CA5B: variants seen among roughly 807,000 people sequenced by gnomAD.
The protein encoded by CA5B is carbonic anhydrase 5B, mitochondrial.
In CA5B, 15 loss-of-function variants were observed where a neutral mutation model predicts 23.1. That is an observed-to-expected ratio of 0.65 (90% CI 0.43 to 1.00). The LOEUF (loss-of-function observed/expected upper bound fraction) is 1.00, where lower values mean the gene tolerates loss of function less well. Among genes scored for constraint, CA5B ranks in the 50% least tolerant of loss-of-function variants. CA5B has a pLI of 0.00. For synonymous variants in CA5B, 84 were observed against 98.5 expected, an observed-to-expected ratio of 0.85 and a Z score of 0.87; for missense variants, 236 against 252.2, an observed-to-expected ratio of 0.94 and a Z score of 0.43.
chrX:15,765,291 TAAAC>T (rs1349654710), intron 3 of CA5B: 1 of 399,568 alleles, frequency 2.5e-6, no homozygotes. Flanking sequence ...TTTTGTTAAA[TAAAC>T]AGTGTTACCT....
At chrX:15,749,937 T>C in intron 1 of CA5B, 34 bp from the exon 2 acceptor site, 1 of 1,089,510 alleles carries the variant, frequency 9.2e-7, no homozygotes, top group East Asian at 3.0e-5. Context: ...TTCTGTTGTT[T>C]ACAGCTTTCC....
chrX:15,775,955 T>TGGG, intron 6 of CA5B: 1 of 750,687 alleles, frequency 1.3e-6, no homozygotes, highest in Non-Finnish European at 1.6e-6. Flanking sequence ...TTTCCTGTTT[T>TGGG]TCCCTCTCTT....
chrX:15,782,144 A>G (rs1397079011), intron 7 of CA5B, among the ~76,000 whole-genome samples: 1 of 111,747 alleles, frequency 8.9e-6, no homozygotes, highest in East Asian at 2.8e-4. Context: ...TCATTTAAAG[A>G]GGAAGTTCTT....
At position 15,782,522 on chromosome X, in the gene CA5B, G is replaced by A. The variant is rs774579008; in HGVS notation, c.812G>A (p.Gly271Glu). ...QFRTLLFTSE[G>E]EKEKRMVDNF... ...CGGACCCTGCTTTTCACTTCCGAAGGGGAGAAAGAGAAAAGAATGGTGGAC... is the reference window on the plus strand; with the variant it reads ...CGGACCCTGCTTTTCACTTCCGAAGAGGAGAAAGAGAAAAGAATGGTGGAC... Residue 271 changes from glycine (G) to glutamate (E), a missense_variant, in exon 8 of 8, where the codon GGG (glycine) becomes GAG (glutamate). By Grantham distance (98) the Gly-to-Glu change is moderately conservative. Coordinates refer to ENST00000318636, the MANE Select transcript of CA5B (RefSeq NM_007220.4). 4 of 1,210,891 alleles carry A rather than the reference G, an allele frequency of 3.3e-6. No homozygotes were observed. In the South Asian group the frequency reaches 5.3e-5, roughly 16 times the overall value.
At chrX:15,777,004 G>A (rs1931945229) in intron 7 of CA5B, 135 bp downstream of exon 7, 1 of 477,017 alleles carries the variant, frequency 2.1e-6, no homozygotes, top group Non-Finnish European at 3.4e-6. Context: ...CCAACGTCTT[G>A]TCTCAGTTTG....
chrX:15,751,969 G>C (rs868754895), intron 2 of CA5B, among the ~76,000 whole-genome samples: 2 of 111,329 alleles, frequency 1.8e-5, no homozygotes, highest in Non-Finnish European at 3.8e-5. Context: ...GGTTTGAAAA[G>C]ATAACGTGTT....
At position 15,782,817 on chromosome X, in the gene CA5B, G is replaced by C. The variant is rs1932049754; in HGVS notation, c.*153G>C. The C allele has an allele frequency of 2.4e-6, 1 of 410,265 alleles. No homozygotes were observed. The highest frequency in any genetic ancestry group is 2.6e-5 in the African/African-American group (1 of 38,360). The allele number at this position is 410,265 out of a possible 1,213,427, so 33.8% of individuals were successfully genotyped here. A position where few individuals can be genotyped will look rare whatever the true frequency, so the allele number is the denominator to read the frequency against. ...AGTGCTTCATCAGTCTTTGAGGAAG[G>C]CTATTCGGTACCAGCAAGAGACACA... is the stretch of plus-strand genomic sequence containing the variant. On this transcript the variant is annotated 3_prime_UTR_variant, in exon 8 of 8. Transcript: ENST00000318636.
At chrX:15,738,990 C>A (rs1055045596) in intron 1 of CA5B, among the ~76,000 whole-genome samples, 1 of 111,864 alleles carries the variant, frequency 8.9e-6, no homozygotes, top group Admixed American at 9.5e-5. Context: ...TTGTGCTCAG[C>A]CCTAAAGCTG....
intron 7 of CA5B, among the ~76,000 whole-genome samples, chrX:15,777,932 G>A (rs1009461758): frequency 6.4e-5 from 7 of 110,217 alleles, no homozygotes; most frequent in Non-Finnish European, 1.1e-4. Flanking sequence ...AGCCAGTACA[G>A]TTAGACTGGA....
At chrX:15,764,525 C>T (rs1278079297) in intron 2 of CA5B, 53 bp from the exon 3 acceptor site, 8 of 1,195,871 alleles carry the variant, frequency 6.7e-6, no homozygotes, top group Non-Finnish European at 9.0e-6. Flanking sequence ...TAGGAGTGAG[C>T]CACTGCACTC....
intron 1 of CA5B, among the ~76,000 whole-genome samples, chrX:15,739,546 C>T (rs1449807027): frequency 1.8e-5 from 2 of 110,726 alleles, no homozygotes; most frequent in African/African-American, 6.6e-5. Context: ...CACACCTGCC[C>T]TCTTCTCCCT....
At chrX:15,776,352 AAAAAAG>A (rs1931929499) in intron 6 of CA5B, among the ~76,000 whole-genome samples, 1 of 108,254 alleles carries the variant, frequency 9.2e-6, no homozygotes, top group Non-Finnish European at 1.9e-5. Flanking sequence ...AAAAAAAAAA[AAAAAAG>A]AAAAAAGAAA....
At chrX:15,780,652 G>A (rs938163793) in intron 7 of CA5B, among the ~76,000 whole-genome samples, 5 of 112,450 alleles carry the variant, frequency 4.4e-5, no homozygotes, top group Non-Finnish European at 3.8e-5. Context: ...TAGATCAGAT[G>A]TCATTTATCT....
intron 1 of CA5B, among the ~76,000 whole-genome samples, chrX:15,742,341 A>G (rs1438876251): frequency 1.8e-5 from 2 of 108,178 alleles, no homozygotes; most frequent in Admixed American, 1.0e-4. Flanking sequence ...GCAATTTTCA[A>G]CAGGACATGC....
At chrX:15,773,063 C>T (rs1292686446) in intron 4 of CA5B, among the ~76,000 whole-genome samples, 11 of 110,936 alleles carry the variant, frequency 9.9e-5, no homozygotes, top group Admixed American at 9.7e-4. Context: ...AGGTTAACCA[C>T]GACTTTGTGG....
chrX:15,743,246 C>T (rs908199558), intron 1 of CA5B, among the ~76,000 whole-genome samples: 1 of 112,477 alleles, frequency 8.9e-6, no homozygotes, highest in Non-Finnish European at 1.9e-5. Flanking sequence ...CAATCCTTTG[C>T]TCAAATTTTA....
chrX:15,775,784 G>A, intron 6 of CA5B: 1 of 748,610 alleles, frequency 1.3e-6, no homozygotes, highest in South Asian at 6.8e-5. Context: ...CTCTCTGGAG[G>A]CCCATATATT....
At chrX:15,769,055 TAAG>T (rs1048748179) in intron 3 of CA5B, among the ~76,000 whole-genome samples, 5 of 111,267 alleles carry the variant, frequency 4.5e-5, no homozygotes, top group African/African-American at 1.6e-4. Context: ...CTTTCCGCCT[TAAG>T]AAACTAGAAA....
At chrX:15,774,931 G>A (rs766174485) in intron 5 of CA5B, among the ~76,000 whole-genome samples, 1 of 112,570 alleles carries the variant, frequency 8.9e-6, no homozygotes, top group Non-Finnish European at 1.9e-5. Context: ...TTGAGCACTT[G>A]AAATGTGTCT....
Sources: gnomAD v4.1 joint callset for allele counts (sites outside exome capture counted in the v4.1 genomes callset) on GRCh38, gnomAD v4.1.1 for gene constraint, MANE v1.5 for transcripts, NCBI Gene and HGNC (gene_info 2026-07-23, HGNC 2026-07-21) for gene names.